The following LARGE1 variants were observed in gnomAD, a reference collection of about 807,000 sequenced individuals.
The protein encoded by LARGE1 is xylosyl- and glucuronyltransferase LARGE1.
In LARGE1, 43 loss-of-function variants were observed where a neutral mutation model predicts 87.6. The observed-to-expected ratio is 0.49, with a 90% CI of 0.38 to 0.63. LARGE1 has a LOEUF of 0.63. LARGE1 is among the 30% of genes least tolerant of loss of function. LARGE1 has a pLI of 0.00. For missense variants in LARGE1, 802 were observed against 1,000.2 expected (o/e 0.80, Z 2.67); for synonymous variants, 434 against 394.6 (o/e 1.10, Z -1.18).
the LARGE1 span, among the ~76,000 whole-genome samples, chr22:33,069,815 TC>T: frequency 8.6e-6 from 1 of 116,504 alleles, no homozygotes; most frequent in Admixed American, 9.7e-5. Flanking sequence ...GTTATTACAT[TC>T]TTTTTTTTTT....
At chr22:33,296,079 A>G (rs1229472209) in intron 12 of LARGE1, among the ~76,000 whole-genome samples, 1 of 152,242 alleles carries the variant, frequency 6.6e-6, no homozygotes, top group African/African-American at 2.4e-5. Context: ...AATGCTCAAC[A>G]TTCCTGTTTA....
chr22:33,855,160 C>G (rs976000014), intron 1 of LARGE1, among the ~76,000 whole-genome samples: 2 of 152,222 alleles, frequency 1.3e-5, no homozygotes, highest in Middle Eastern at 3.4e-3. Flanking sequence ...CGGTGAAACC[C>G]TGTCTCTACT....
the LARGE1 span, among the ~76,000 whole-genome samples, chr22:33,117,025 T>C: frequency 6.6e-5 from 10 of 152,172 alleles, no homozygotes; most frequent in Non-Finnish European, 1.2e-4. Flanking sequence ...ATGGCAGGTA[T>C]CTTCAGTACT....
At chr22:33,263,294 T>C (rs933343551) in intron 11 of LARGE1, among the ~76,000 whole-genome samples, 1 of 152,216 alleles carries the variant, frequency 6.6e-6, no homozygotes, top group South Asian at 2.1e-4. Flanking sequence ...TCTCCCTATA[T>C]AATCTCTCTG....
At chr22:33,648,669 T>C (rs947141605) in intron 3 of LARGE1, among the ~76,000 whole-genome samples, 2 of 152,130 alleles carry the variant, frequency 1.3e-5, no homozygotes, top group Non-Finnish European at 2.9e-5. Flanking sequence ...TTTTCATACA[T>C]AGAGATATTA....
intron 6 of LARGE1, among the ~76,000 whole-genome samples, chr22:33,514,703 C>T (rs976709845): frequency 4.6e-5 from 7 of 152,034 alleles, no homozygotes; most frequent in Admixed American, 6.6e-5. Context: ...GGGACAACTA[C>T]GTGTATATAT....
intron 11 of LARGE1, among the ~76,000 whole-genome samples, chr22:33,255,824 C>G (rs1338253459): frequency 1.3e-5 from 2 of 152,160 alleles, no homozygotes; most frequent in African/African-American, 4.8e-5. Context: ...ATCATATTGT[C>G]AGACTCATTT....
intron 10 of LARGE1, among the ~76,000 whole-genome samples, chr22:33,317,523 T>G (rs1163157353): frequency 6.6e-6 from 1 of 152,224 alleles, no homozygotes; most frequent in Admixed American, 6.5e-5. Context: ...TCTTACTTCA[T>G]TAATCTGCTT....
At chr22:33,330,155 G>A (rs995076644) in intron 10 of LARGE1, among the ~76,000 whole-genome samples, 3 of 152,154 alleles carry the variant, frequency 2.0e-5, no homozygotes, top group African/African-American at 7.2e-5. Flanking sequence ...TGCCTTGGAA[G>A]GTGGCTCTCT....
chr22:33,769,806 C>T (rs1304764749), intron 1 of LARGE1, among the ~76,000 whole-genome samples: 1 of 152,192 alleles, frequency 6.6e-6, no homozygotes, highest in African/African-American at 2.4e-5. Flanking sequence ...AAGAAATGGG[C>T]CTCTGTCCTT....
At chr22:33,613,015 C>G (rs10483173) in intron 4 of LARGE1, among the ~76,000 whole-genome samples, 1 of 152,160 alleles carries the variant, frequency 6.6e-6, no homozygotes, top group Non-Finnish European at 1.5e-5. Flanking sequence ...TATGGCAATA[C>G]TAGGTGTCTG....
intron 3 of LARGE1, among the ~76,000 whole-genome samples, chr22:33,635,875 G>C (rs2149115225): frequency 6.6e-6 from 1 of 152,332 alleles, no homozygotes; most frequent in South Asian, 2.1e-4. Flanking sequence ...CAAAGACAAA[G>C]TTATTTCAAC....
intron 6 of LARGE1, among the ~76,000 whole-genome samples, chr22:33,503,533 C>T (rs1348613895): frequency 6.6e-6 from 1 of 152,100 alleles, no homozygotes; most frequent in Non-Finnish European, 1.5e-5. Context: ...TTTATAGCAG[C>T]ATTATTCACA....
chr22:33,363,314 G>A (rs2064454726), intron 9 of LARGE1, among the ~76,000 whole-genome samples: 1 of 150,006 alleles, frequency 6.7e-6, no homozygotes, highest in African/African-American at 2.5e-5. Context: ...AGGTTTAATG[G>A]AGAACTCACA....
chr22:33,300,424 G>A (rs1933989700), intron 12 of LARGE1, among the ~76,000 whole-genome samples: 1 of 152,224 alleles, frequency 6.6e-6, no homozygotes, highest in East Asian at 1.9e-4. Flanking sequence ...TGTTCAGGAT[G>A]GAGTGCAGTG....
At chr22:33,617,503 A>G (rs887144900) in intron 4 of LARGE1, among the ~76,000 whole-genome samples, 2 of 152,244 alleles carry the variant, frequency 1.3e-5, no homozygotes, top group Non-Finnish European at 2.9e-5. Flanking sequence ...AATTTTCTCA[A>G]TATATGATTC....
chr22:33,360,292 AACAGAGCAAG>A (rs2064338587), intron 9 of LARGE1, among the ~76,000 whole-genome samples: 1 of 149,258 alleles, frequency 6.7e-6, no homozygotes, highest in African/African-American at 2.5e-5. Flanking sequence ...CAGCCTGGGC[AACAGAGCAAG>A]GCTGTGTCTC....
chr22:33,140,219 C>G, the LARGE1 span, among the ~76,000 whole-genome samples: 275 of 152,262 alleles, frequency 1.8e-3, no homozygotes, highest in African/African-American at 6.3e-3. Context: ...CAGCCTCCCC[C>G]TTCTGGGAAG....
intron 5 of LARGE1, among the ~76,000 whole-genome samples, chr22:33,586,057 C>G (rs979097886): frequency 4.6e-5 from 7 of 152,190 alleles, no homozygotes; most frequent in African/African-American, 1.7e-4. Context: ...TGGGTTGGAT[C>G]ACGTTAGGAT....
Sources: gnomAD v4.1 joint callset for allele counts (sites outside exome capture counted in the v4.1 genomes callset) on GRCh38, gnomAD v4.1.1 for gene constraint, MANE v1.5 for transcripts, NCBI Gene and HGNC (gene_info 2026-07-23, HGNC 2026-07-21) for gene names.